ABCB10: variants seen among roughly 807,000 people sequenced by gnomAD.
The protein encoded by ABCB10 is ATP binding cassette subfamily B member 10.
In ABCB10, 54 loss-of-function variants were observed where a neutral mutation model predicts 65.4. The ratio of observed to expected loss-of-function variants is 0.83; its 90% confidence interval spans 0.66 to 1.04. ABCB10 has a LOEUF of 1.04. ABCB10 is among the 50% of genes least tolerant of loss of function. The probability of loss-of-function intolerance (pLI) is 0.00; values close to 1 mark genes in which losing one functional copy is unlikely to be tolerated. For missense variants in ABCB10, 846 were observed against 976.6 expected (o/e 0.87, Z 1.78); for synonymous variants, 418 against 406.5 (o/e 1.03, Z -0.34).
chr1:229,551,583 G>C (rs2102709905), intron 1 of ABCB10, among the ~76,000 whole-genome samples: 1 of 152,310 alleles, frequency 6.6e-6, no homozygotes, highest in East Asian at 1.9e-4. Context: ...AGCTCATAAA[G>C]TCCATATGCC....
chr1:229,542,135 C>T, intron 4 of ABCB10, 102 bp downstream of exon 4: 1 of 1,409,968 alleles, frequency 7.1e-7, no homozygotes. Context: ...AAGGCAGGCA[C>T]TTCATTGAAA....
intron 5 of ABCB10, 89 bp from the exon 6 acceptor site, chr1:229,539,680 C>T (rs1269638322): frequency 1.4e-6 from 2 of 1,425,514 alleles, no homozygotes; most frequent in African/African-American, 2.9e-5. Context: ...GTCCCTTTTT[C>T]ATTCAACTGT....
intron 11 of ABCB10, among the ~76,000 whole-genome samples, chr1:229,519,457 C>T (rs1038863771): frequency 6.6e-6 from 1 of 152,150 alleles, no homozygotes; most frequent in East Asian, 1.9e-4. Flanking sequence ...CTTTATAGCA[C>T]AGTTTTATCC....
intron 3 of ABCB10, among the ~76,000 whole-genome samples, chr1:229,545,839 C>T (rs1388779929): frequency 6.6e-6 from 1 of 152,172 alleles, no homozygotes; most frequent in Non-Finnish European, 1.5e-5. Flanking sequence ...CTTTCTTCCT[C>T]CTCTCAGTCT....
At chr1:229,522,115 T>C (rs1315129910) in intron 10 of ABCB10, among the ~76,000 whole-genome samples, 1 of 152,174 alleles carries the variant, frequency 6.6e-6, no homozygotes, top group Non-Finnish European at 1.5e-5. Flanking sequence ...CACCTCAGCC[T>C]CCCAAAGTGC....
At position 229,530,120 on chromosome 1, in the gene ABCB10, T is replaced by C. The variant is rs577875874; in HGVS notation, c.1645+79A>G. On this transcript the variant is annotated intron_variant, in intron 8 of 12. Transcript: ENST00000344517. ...CTACAAAATAAGGTATTTGCATGGT[T>C]TGAGCATCTCCTAGGGCGCAAAAGT... is the stretch of plus-strand genomic sequence containing the variant. 6.5e-6 allele frequency: 9 copies of C among 1,392,052 alleles called. No individual in the cohort carries two copies. The South Asian group carries it at 7.0e-5, about 11-fold the overall frequency. The allele number at this position is 1,392,052 out of a possible 1,614,324, so 86.2% of individuals were successfully genotyped here. A position where few individuals can be genotyped will look rare whatever the true frequency, so the allele number is the denominator to read the frequency against.
At chr1:229,540,027 T>C (rs377036088) in intron 5 of ABCB10, among the ~76,000 whole-genome samples, 6 of 152,216 alleles carry the variant, frequency 3.9e-5, no homozygotes, top group Admixed American at 1.3e-4. Flanking sequence ...GTCTTAGGTA[T>C]AGGGGAGGCC....
chr1:229,542,196 C>A (rs772717528), intron 4 of ABCB10, 41 bp downstream of exon 4: 4 of 1,606,526 alleles, frequency 2.5e-6, no homozygotes, highest in Middle Eastern at 1.9e-4. Flanking sequence ...GGCTATGACC[C>A]CATTCTGCTG....
chr1:229,519,970 A>AT (rs199668288), intron 11 of ABCB10, among the ~76,000 whole-genome samples: 22 of 151,378 alleles, frequency 1.5e-4, no homozygotes, highest in African/African-American at 4.6e-4. Flanking sequence ...TACCAAAAAA[A>AT]TTTTTTTTTA....
At chr1:229,534,405 C>A (rs555938881) in intron 6 of ABCB10, among the ~76,000 whole-genome samples, 1 of 152,154 alleles carries the variant, frequency 6.6e-6, no homozygotes, top group African/African-American at 2.4e-5. Context: ...GAAAAAAATT[C>A]ATTCGGTCAC....
rs750370909 is a variant in ABCB10, at chr1:229,518,268, T to C, written c.2128A>G (p.Thr710Ala). The C allele has an allele frequency of 8.7e-6, 14 of 1,614,100 alleles. No individual in the cohort carries two copies. Among genetic ancestry groups the C allele is most frequent in the East Asian group, 2.2e-5 (1 of 44,904 alleles). The part of the protein sequence containing the change: ...MVAVLDQGKI[T>A]EYGKHEELLS... ...AGCTCTTCATGTTTTCCATATTCAG[T>C]AATTTTTCCTTGGTCAAGAACAGCA... The change falls in exon 13 of 13, where the codon ACT becomes GCT. Residue 710 changes from threonine (T) to alanine (A), a missense_variant. Around this residue, in one of 2 missense-constraint regions of ABCB10, gnomAD observed 632 missense variants for 803.2 expected, o/e 0.79. Transcript: ENST00000344517.
intron 6 of ABCB10, among the ~76,000 whole-genome samples, chr1:229,538,727 C>G (rs971263891): frequency 6.6e-6 from 1 of 152,146 alleles, no homozygotes; most frequent in Non-Finnish European, 1.5e-5. Flanking sequence ...TAGACAGATA[C>G]AAAACCCTGA....
rs948604123 is a variant in ABCB10 at position 229,516,691 on chromosome 1, AC to A, written c.*1487del. ...AACAATGAAATGCAATTTCGTAAATACTTCTATGGCACAAGGATTATTTTCC... is the reference window on the plus strand; with the variant it reads ...AACAATGAAATGCAATTTCGTAAATATTCTATGGCACAAGGATTATTTTCC... On this transcript the variant is annotated 3_prime_UTR_variant, in exon 13 of 13. Coordinates refer to ENST00000344517, the MANE Select transcript of ABCB10 (RefSeq NM_012089.3). The A allele has an allele frequency of 1.5e-4, 23 of 152,188 alleles. No homozygotes were observed. Among genetic ancestry groups the A allele is most frequent in the African/African-American group, 5.5e-4 (23 of 41,448 alleles). 9.4% of individuals were successfully genotyped at this position (152,188 alleles called of 1,614,324 possible). A position where few individuals can be genotyped will look rare whatever the true frequency, so the allele number is the denominator to read the frequency against.
At chr1:229,519,173 G>C in intron 11 of ABCB10, 1 of 236,680 alleles carries the variant, frequency 4.2e-6, no homozygotes, top group African/African-American at 2.2e-5. Context: ...GGGGGGTGAT[G>C]AAAATGTTTT....
chr1:229,553,784 A>G (rs1663173796), intron 1 of ABCB10, among the ~76,000 whole-genome samples: 1 of 151,726 alleles, frequency 6.6e-6, no homozygotes, highest in African/African-American at 2.4e-5. Context: ...TCTCCTTTTA[A>G]GCTCTGCCAT....
intron 9 of ABCB10, 57 bp from the exon 10 acceptor site, chr1:229,526,173 AT>A: frequency 1.3e-6 from 2 of 1,518,244 alleles, no homozygotes; most frequent in Non-Finnish European, 1.8e-6. Context: ...AACATGTCTA[AT>A]AAATTTAGAC....
At chr1:229,533,303 T>C (rs1483711841) in intron 6 of ABCB10, among the ~76,000 whole-genome samples, 1 of 152,016 alleles carries the variant, frequency 6.6e-6, no homozygotes, top group Non-Finnish European at 1.5e-5. Flanking sequence ...TTTGTATTTT[T>C]AGTAGAGATG....
At chr1:229,529,295 CAAAAAAAAAAAAAAAAAAA>C (rs59264291) in intron 8 of ABCB10, among the ~76,000 whole-genome samples, 1,709 of 23,200 alleles carry the variant, frequency 0.074, 79 homozygotes, top group African/African-American at 0.26. Context: ...GACTCCGTCT[CAAAAAAAAAAAAAAAAAAA>C]AAAAAAAAAA....
Position 229,558,425 on chromosome 1 carries a change from AC to A in ABCB10, c.227del (p.Gly76ValfsTer136), listed in dbSNP as rs1381625492. The A allele has an allele frequency of 8.3e-7, 1 of 1,202,578 alleles. No individual in the cohort carries two copies. The highest frequency in any genetic ancestry group is 4.6e-5 in the Admixed American group (1 of 21,874). The allele number at this position is 1,202,578 out of a possible 1,614,324, so 74.5% of individuals were successfully genotyped here. A position where few individuals can be genotyped will look rare whatever the true frequency, so the allele number is the denominator to read the frequency against. On this transcript the variant is annotated frameshift_variant, in exon 1 of 13. Transcript: ENST00000344517. LOFTEE classifies it high-confidence loss of function. ...RRWRSGCRGGGPGASRGVLGL... is the reference protein window; with the variant it reads ...RRWRSGCRGGXPGASRGVLGL... ...CCAGGACGCCCCGCGAGGCGCCCGG[AC>A]CCCCGCCCCGGCAGCCGCTCCTCCA...
Sources: gnomAD v4.1 joint callset for allele counts (sites outside exome capture counted in the v4.1 genomes callset) on GRCh38, gnomAD v4.1.1 for gene constraint, gnomAD v4.1.1 regional missense constraint, MANE v1.5 for transcripts, NCBI Gene and HGNC (gene_info 2026-07-23, HGNC 2026-07-21) for gene names.